CNTN5: variants seen among roughly 807,000 people sequenced by gnomAD.
The protein encoded by CNTN5 is contactin 5, also known as contactin-5.
In CNTN5, 77 loss-of-function variants were observed where a neutral mutation model predicts 129.1. That is an observed-to-expected ratio of 0.60 (90% CI 0.50 to 0.72). The LOEUF is 0.72. Ranked by LOEUF, CNTN5 falls within the 30% of genes least tolerant of loss-of-function variation. CNTN5 has a pLI of 0.00. For synonymous variants in CNTN5, 509 were observed against 465.6 expected (o/e 1.09, Z -1.20); for missense variants, 1,478 against 1,328.8 (o/e 1.11, Z -1.75).
chr11:99,408,817 A>C (rs1044724679), intron 2 of CNTN5, among the ~76,000 whole-genome samples: 3 of 152,224 alleles, frequency 2.0e-5, no homozygotes, highest in Non-Finnish European at 4.4e-5. Context: ...AGAAAAATAT[A>C]CTGTGTAGTT....
intron 4 of CNTN5, among the ~76,000 whole-genome samples, chr11:99,840,073 G>C (rs1947434303): frequency 6.6e-6 from 1 of 152,038 alleles, no homozygotes; most frequent in Admixed American, 6.6e-5. Flanking sequence ...AAAGAATCCT[G>C]TGGGTGTCCA....
At chr11:100,045,511 A>T (rs1363017) in intron 9 of CNTN5, among the ~76,000 whole-genome samples, 123,666 of 152,042 alleles carry the variant, frequency 0.81, 51,076 homozygotes, top group East Asian at 1. Flanking sequence ...GAAAGTAATA[A>T]CAAGAAGTAG....
At chr11:99,730,571 GC>G (rs1943497218) in intron 3 of CNTN5, among the ~76,000 whole-genome samples, 1 of 152,076 alleles carries the variant, frequency 6.6e-6, no homozygotes, top group Non-Finnish European at 1.5e-5. Context: ...TATGTTTGGG[GC>G]ATTGAGATTT....
chr11:99,888,686 G>C (rs182414718), intron 6 of CNTN5, among the ~76,000 whole-genome samples: 141 of 152,286 alleles, frequency 9.3e-4, no homozygotes, highest in Middle Eastern at 3.4e-3. Flanking sequence ...AACATCCCAG[G>C]AAAGAAAACC....
intron 8 of CNTN5, among the ~76,000 whole-genome samples, chr11:99,978,885 G>T (rs1938165538): frequency 6.6e-6 from 1 of 152,168 alleles, no homozygotes; most frequent in African/African-American, 2.4e-5. Flanking sequence ...TCATCAGAGG[G>T]CTTTGGCATC....
chr11:99,200,154 G>A (rs967731381), intron 1 of CNTN5, among the ~76,000 whole-genome samples: 2 of 152,068 alleles, frequency 1.3e-5, no homozygotes, highest in East Asian at 3.9e-4. Flanking sequence ...TGTGGGCAAA[G>A]ATTTTTTCTA....
At chr11:99,244,045 T>A (rs1345460004) in intron 1 of CNTN5, among the ~76,000 whole-genome samples, 4 of 152,174 alleles carry the variant, frequency 2.6e-5, no homozygotes, top group Non-Finnish European at 2.9e-5. Context: ...ATCTGTAGAT[T>A]GCTTTAGGCA....
At chr11:99,315,132 T>C (rs1409182882) in intron 1 of CNTN5, among the ~76,000 whole-genome samples, 1 of 149,130 alleles carries the variant, frequency 6.7e-6, no homozygotes, top group Non-Finnish European at 1.5e-5. Context: ...TACCCTCTAG[T>C]AGTCATGGAA....
intron 1 of CNTN5, among the ~76,000 whole-genome samples, chr11:99,022,176 T>A (rs1320933314): frequency 2.6e-5 from 4 of 152,194 alleles, no homozygotes; most frequent in Non-Finnish European, 1.5e-5. Flanking sequence ...AGAAAATCAT[T>A]TAGAGGGTCA....
chr11:99,386,821 C>G (rs1940953199), intron 2 of CNTN5, among the ~76,000 whole-genome samples: 1 of 152,148 alleles, frequency 6.6e-6, no homozygotes, highest in African/African-American at 2.4e-5. Flanking sequence ...TATAGGGAAA[C>G]AGAGGATGAC....
At chr11:100,093,672 A>C (rs1944882114) in intron 13 of CNTN5, among the ~76,000 whole-genome samples, 1 of 152,094 alleles carries the variant, frequency 6.6e-6, no homozygotes, top group Admixed American at 6.6e-5. Context: ...CAGTCTGTAC[A>C]ACCTGACTTG....
chr11:99,996,955 G>A (rs1238849541), intron 8 of CNTN5, among the ~76,000 whole-genome samples: 1 of 152,084 alleles, frequency 6.6e-6, no homozygotes, highest in Non-Finnish European at 1.5e-5. Flanking sequence ...CATTTCAGAT[G>A]AGATTTTGGT....
intron 1 of CNTN5, among the ~76,000 whole-genome samples, chr11:99,266,505 G>A (rs1263941491): frequency 5.3e-5 from 8 of 152,052 alleles, no homozygotes; most frequent in Admixed American, 5.3e-4. Context: ...TGGAGGCTGA[G>A]GCTGGAGGAT....
At chr11:99,952,095 A>C (rs1480537199) in intron 7 of CNTN5, among the ~76,000 whole-genome samples, 1 of 152,204 alleles carries the variant, frequency 6.6e-6, no homozygotes, top group Non-Finnish European at 1.5e-5. Flanking sequence ...GGTACACATC[A>C]GCATTGTAAA....
chr11:99,940,956 T>G (rs1358321059), intron 7 of CNTN5, among the ~76,000 whole-genome samples: 1 of 152,068 alleles, frequency 6.6e-6, no homozygotes, highest in Non-Finnish European at 1.5e-5. Flanking sequence ...ATGGCATGTT[T>G]TGTATTAAGA....
At chr11:99,798,603 C>T (rs1255208078) in intron 3 of CNTN5, among the ~76,000 whole-genome samples, 1 of 152,004 alleles carries the variant, frequency 6.6e-6, no homozygotes, top group Non-Finnish European at 1.5e-5. Context: ...TCTGGGCTCT[C>T]TATTCTGTTC....
At chr11:99,124,653 A>G (rs1463622800) in intron 1 of CNTN5, among the ~76,000 whole-genome samples, 1 of 152,040 alleles carries the variant, frequency 6.6e-6, no homozygotes, top group African/African-American at 2.4e-5. Flanking sequence ...GAGAAGAGCT[A>G]TACAAATAAT....
chr11:99,698,998 C>T (rs1954398344), intron 3 of CNTN5, among the ~76,000 whole-genome samples: 1 of 149,560 alleles, frequency 6.7e-6, no homozygotes, highest in African/African-American at 2.4e-5. Context: ...ACTTTTTTTT[C>T]CTGAATAAAT....
In CNTN5 at chr11:100,350,743, T is replaced by C. The variant is rs1349344739; in HGVS notation, c.3072T>C (p.Ile1024=). 1.9e-6 allele frequency: 3 copies of C among 1,608,762 alleles called. No homozygotes were observed. The highest frequency in any genetic ancestry group is 1.7e-4 in the Middle Eastern group (1 of 6,046). The part of the protein sequence containing the change: ...RQEGHSNSQV[I]ETQKLQAVVP... ...AGGGTCACAGCAACAGCCAAGTTAT[T>C]GAAACACAGAAACTTCAAGCAGTAG... The change falls in exon 24 of 25, where the codon ATT becomes ATC. Residue 1024 remains isoleucine (I), a synonymous_variant. Coordinates refer to ENST00000524871, the MANE Select transcript of CNTN5 (RefSeq NM_014361.4).
Sources: allele counts gnomAD v4.1 joint callset (sites outside exome capture counted in the v4.1 genomes callset), GRCh38; gene constraint gnomAD v4.1.1; transcripts MANE v1.5; gene names NCBI Gene and HGNC (gene_info 2026-07-23, HGNC 2026-07-21).